Variants in AFG2A observed in about 807,000 individuals in gnomAD.
AFG2A encodes the protein AAA ATPase AFG2A.
the AFG2A span, among the ~76,000 whole-genome samples, chr4:123,115,106 C>A: frequency 3.3e-5 from 5 of 152,154 alleles, no homozygotes. Context: ...TCCTTGCAGC[C>A]TGGAGCAGGG....
chr4:122,939,302 G>A, the AFG2A span, among the ~76,000 whole-genome samples: 1 of 151,532 alleles, frequency 6.6e-6, no homozygotes, highest in African/African-American at 2.4e-5. Context: ...GGCTGGTCTC[G>A]AGCTCCTGAC....
chr4:123,191,284 A>C, the AFG2A span, among the ~76,000 whole-genome samples: 1 of 152,098 alleles, frequency 6.6e-6, no homozygotes. Context: ...ATTCCTTCTC[A>C]TATTCCTATG....
chr4:123,077,945 C>T, the AFG2A span, among the ~76,000 whole-genome samples: 1 of 152,092 alleles, frequency 6.6e-6, no homozygotes, highest in Non-Finnish European at 1.5e-5. Flanking sequence ...GTGAAAGACC[C>T]GTGGAGAATT....
At chr4:123,182,094 ACT>A in the AFG2A span, among the ~76,000 whole-genome samples, 1 of 152,042 alleles carries the variant, frequency 6.6e-6, no homozygotes, top group Non-Finnish European at 1.5e-5. Flanking sequence ...AATGACACTA[ACT>A]CTGCCTACCT....
chr4:123,191,658 TTCTC>T, the AFG2A span, among the ~76,000 whole-genome samples: 1,450 of 152,238 alleles, frequency 9.5e-3, 9 homozygotes, highest in Non-Finnish European at 0.015. Context: ...GTCTTCATCT[TTCTC>T]TCTCTCTTCT....
chr4:123,006,938 C>CT, the AFG2A span, among the ~76,000 whole-genome samples: 119,894 of 146,618 alleles, frequency 0.82, 50,473 homozygotes, highest in East Asian at 0.96. Flanking sequence ...CTTTTACTCT[C>CT]TTTTTTTTTC....
the AFG2A span, among the ~76,000 whole-genome samples, chr4:123,224,327 T>C: frequency 6.6e-6 from 1 of 152,064 alleles, no homozygotes; most frequent in African/African-American, 2.4e-5. Context: ...CGTCATTTAA[T>C]TTAGGTATAT....
chr4:123,229,166 G>C, the AFG2A span, among the ~76,000 whole-genome samples: 6 of 151,942 alleles, frequency 3.9e-5, no homozygotes, highest in Non-Finnish European at 7.4e-5. Context: ...TAGTCTAAGT[G>C]TTCTGAATAA....
the AFG2A span, among the ~76,000 whole-genome samples, chr4:123,297,592 G>A: frequency 4.6e-5 from 7 of 152,054 alleles, no homozygotes; most frequent in African/African-American, 1.7e-4. Context: ...GGTGGCGGGC[G>A]CCTGTAGTCC....
the AFG2A span, among the ~76,000 whole-genome samples, chr4:123,055,191 G>T: frequency 2.6e-5 from 4 of 152,102 alleles, no homozygotes; most frequent in Non-Finnish European, 5.9e-5. Flanking sequence ...TGAACTCAGC[G>T]TAAAGACCTT....
the AFG2A span, among the ~76,000 whole-genome samples, chr4:123,301,384 C>T: frequency 6.6e-6 from 1 of 152,004 alleles, no homozygotes; most frequent in Admixed American, 6.5e-5. Context: ...TTATAAACAA[C>T]ATAAGTATTA....
the AFG2A span, among the ~76,000 whole-genome samples, chr4:123,277,893 T>C: frequency 6.6e-6 from 1 of 152,208 alleles, no homozygotes; most frequent in Non-Finnish European, 1.5e-5. Context: ...TGTTGAGGAT[T>C]TTTGTATCGA....
the AFG2A span, among the ~76,000 whole-genome samples, chr4:122,992,992 G>GTGTGTGTATGTGTGTGTGTGTA: frequency 6.6e-6 from 1 of 151,548 alleles, no homozygotes; most frequent in Non-Finnish European, 1.5e-5. Context: ...GTGTGTGTGT[G>GTGTGTGTATGTGTGTGTGTGTA]TATGTATATT....
the AFG2A span, among the ~76,000 whole-genome samples, chr4:123,129,842 A>G: frequency 1.3e-4 from 20 of 152,118 alleles, no homozygotes; most frequent in African/African-American, 4.8e-4. Flanking sequence ...AGGCACTTGC[A>G]GTTCAACATG....
At chr4:123,156,993 A>G in the AFG2A span, among the ~76,000 whole-genome samples, 1 of 151,818 alleles carries the variant, frequency 6.6e-6, no homozygotes, top group Non-Finnish European at 1.5e-5. Context: ...TTTGGCAACA[A>G]CACTGAATGA....
At chr4:123,272,575 T>TA in the AFG2A span, among the ~76,000 whole-genome samples, 3,284 of 152,196 alleles carry the variant, frequency 0.022, 75 homozygotes, top group South Asian at 0.096. Flanking sequence ...AGAGACAAGT[T>TA]ACAACCAAAG....
chr4:123,238,871 A>G, the AFG2A span, among the ~76,000 whole-genome samples: 1 of 152,190 alleles, frequency 6.6e-6, no homozygotes, highest in Non-Finnish European at 1.5e-5. Context: ...CAGAAGGTCA[A>G]TAATAACAAA....
At chr4:123,017,396 G>T in the AFG2A span, among the ~76,000 whole-genome samples, 6 of 103,144 alleles carry the variant, frequency 5.8e-5, no homozygotes, top group African/African-American at 1.3e-4. Context: ...CATAGAATGT[G>T]TCTTTACAGC....
At chr4:123,050,901 C>A in the AFG2A span, among the ~76,000 whole-genome samples, 1 of 152,176 alleles carries the variant, frequency 6.6e-6, no homozygotes, top group Admixed American at 6.5e-5. Context: ...CCTGCCACCA[C>A]GCCCAGCTAA....
Sources: allele counts gnomAD v4.1 joint callset (sites outside exome capture counted in the v4.1 genomes callset), GRCh38; gene constraint gnomAD v4.1.1; transcripts MANE v1.5; gene names NCBI Gene and HGNC (gene_info 2026-07-23, HGNC 2026-07-21).